The following TMEM267 variants were observed in gnomAD, a reference collection of about 807,000 sequenced individuals.
The protein encoded by TMEM267 is transmembrane protein 267.
Under a neutral mutation model 19.3 loss-of-function variants are expected in TMEM267, and 20 were observed. The ratio of observed to expected loss-of-function variants is 1.04; its 90% CI spans 0.73 to 1.51. The LOEUF (loss-of-function observed/expected upper bound fraction) is 1.51. Ranked by LOEUF, TMEM267 falls within the 40% of genes most tolerant of loss-of-function variation. The pLI is 0.00. For synonymous variants in TMEM267, 88 were observed against 90.3 expected (o/e 0.97, Z 0.15); for missense variants, 242 against 261.9 (o/e 0.92, Z 0.52).
At chr5:43,451,382 A>T (rs1742579165) in intron 2 of TMEM267, among the ~76,000 whole-genome samples, 1 of 152,226 alleles carries the variant, frequency 6.6e-6, no homozygotes, top group Non-Finnish European at 1.5e-5. Flanking sequence ...AGAATCTACA[A>T]GGAACTCAAA....
rs1370831152 is a variant in TMEM267, at chr5:43,446,528, G to C, written c.342C>G (p.Phe114Leu). 8 of 1,612,612 alleles carry C rather than the reference G, an allele frequency of 5.0e-6. No homozygotes were observed. Among genetic ancestry groups the C allele is most frequent in the Non-Finnish European group, 6.8e-6 (8 of 1,178,964 alleles). Reference sequence around the variant, plus strand: ...CGGGAATCACAGTAGAACAGTGAAGGAAAGGTCTTCGCGGGAGAGTCAAAG... The same window carrying C: ...CGGGAATCACAGTAGAACAGTGAAGCAAAGGTCTTCGCGGGAGAGTCAAAG... ...KAALTLPRRPFLHCSTVIPVV... is the reference protein window; with the variant it reads ...KAALTLPRRPLLHCSTVIPVV... Residue 114 changes from phenylalanine to leucine, a missense_variant, in exon 3 of 3, where the codon TTC becomes TTG. Physicochemically the swap from Phe to Leu is conservative, Grantham distance 22. Coordinates refer to ENST00000397080, the MANE Select transcript of TMEM267 (RefSeq NM_022483.5).
chr5:43,454,238 G>C (rs1173672304), intron 1 of TMEM267, among the ~76,000 whole-genome samples, 195 bp from the exon 2 acceptor site: 1 of 136,428 alleles, frequency 7.3e-6, no homozygotes, highest in African/African-American at 2.9e-5. Context: ...TTTAGGAAGA[G>C]CAGGGTACAT....
intron 1 of TMEM267, chr5:43,479,824 A>G: frequency 2.4e-6 from 1 of 415,996 alleles, no homozygotes; most frequent in Non-Finnish European, 4.7e-6. Flanking sequence ...CAGGATCTGG[A>G]AATAATGATT....
chr5:43,458,994 C>T (rs1174227988), intron 1 of TMEM267, among the ~76,000 whole-genome samples: 1 of 122,344 alleles, frequency 8.2e-6, no homozygotes, highest in Non-Finnish European at 1.7e-5. Context: ...TTTAGAGTTT[C>T]TATGTCAAAA....
At chr5:43,447,906 A>G (rs1742353193) in intron 2 of TMEM267, among the ~76,000 whole-genome samples, 2 of 152,190 alleles carry the variant, frequency 1.3e-5, no homozygotes, top group Non-Finnish European at 1.5e-5. Flanking sequence ...GTGGACCTTC[A>G]AGACTCTGAA....
intron 1 of TMEM267, among the ~76,000 whole-genome samples, chr5:43,483,003 G>A (rs1452103283): frequency 1.3e-5 from 2 of 152,120 alleles, no homozygotes; most frequent in Non-Finnish European, 2.9e-5. Context: ...AAAACCCAAG[G>A]TCAAAACACG....
At chr5:43,478,350 G>A (rs1271601185) in intron 1 of TMEM267, among the ~76,000 whole-genome samples, 1 of 152,136 alleles carries the variant, frequency 6.6e-6, no homozygotes, top group Non-Finnish European at 1.5e-5. Context: ...TTGACTAGCT[G>A]CCTGGAAAAC....
rs1457431593 is a variant in TMEM267 at position 43,463,327 on chromosome 5, C to A, written c.-74-9284G>T. Among the ~76,000 whole-genome samples the A allele has an allele frequency of 2.0e-5, 3 of 152,232 alleles. No individual in the cohort carries two copies. The East Asian group carries it at 5.8e-4, about 29-fold the overall frequency. On this transcript the variant is annotated intron_variant, in intron 1 of 2. Coordinates refer to ENST00000397080, the MANE Select transcript of TMEM267 (RefSeq NM_022483.5). ...TTACCAACCAAAAAAGGTCCAGGAC[C>A]AGATGTATTCACAGCCGAATTCTAC...
intron 1 of TMEM267, among the ~76,000 whole-genome samples, chr5:43,458,961 T>A (rs1247305737): frequency 1.3e-5 from 2 of 150,884 alleles, no homozygotes; most frequent in Non-Finnish European, 3.0e-5. Context: ...TGAAAAAAAA[T>A]TTCCAAAAAT....
At chr5:43,454,868 T>C (rs994107898) in intron 1 of TMEM267, among the ~76,000 whole-genome samples, 4 of 152,352 alleles carry the variant, frequency 2.6e-5, no homozygotes, top group Middle Eastern at 3.4e-3. Context: ...AATATTGACA[T>C]TATTTACCTA....
At chr5:43,451,203 T>G (rs951630596) in intron 2 of TMEM267, among the ~76,000 whole-genome samples, 1 of 152,192 alleles carries the variant, frequency 6.6e-6, no homozygotes, top group African/African-American at 2.4e-5. Context: ...ACAAGGTAAG[T>G]AATGTTATAA....
chr5:43,449,623 G>A (rs1288253743), intron 2 of TMEM267, among the ~76,000 whole-genome samples: 1 of 152,170 alleles, frequency 6.6e-6, no homozygotes, highest in Non-Finnish European at 1.5e-5. Context: ...ACTTGCAGAG[G>A]CAATAGTATT....
At chr5:43,468,219 G>A (rs1269542390) in intron 1 of TMEM267, among the ~76,000 whole-genome samples, 1 of 152,164 alleles carries the variant, frequency 6.6e-6, no homozygotes, top group Non-Finnish European at 1.5e-5. Context: ...ACAGTTCCAG[G>A]TGCAGGGGCT....
intron 1 of TMEM267, among the ~76,000 whole-genome samples, chr5:43,474,759 C>CAA (rs1175355175): frequency 0.072 from 4,127 of 57,334 alleles, 122 homozygotes; most frequent in Middle Eastern, 0.15. Context: ...AACTCTGTCT[C>CAA]AAAAAAAAAA....
At position 43,474,328 on chromosome 5, in the gene TMEM267, C is replaced by T. The variant is rs546354970; in HGVS notation, c.-75+9494G>A. Among the ~76,000 whole-genome samples the T allele has an allele frequency of 6.6e-5, 10 of 152,328 alleles. No individual in the cohort carries two copies. The South Asian group carries it at 2.1e-3, about 32-fold the overall frequency. Reference sequence around the variant, plus strand: ...ATCATCAGAGCGAACAGGCCACCTACAGACTGGGAGAAAATTTTTTGCAAT... The same window carrying T: ...ATCATCAGAGCGAACAGGCCACCTATAGACTGGGAGAAAATTTTTTGCAAT... On this transcript the variant is annotated intron_variant, in intron 1 of 2. Coordinates refer to ENST00000397080, the MANE Select transcript of TMEM267 (RefSeq NM_022483.5).
At chr5:43,448,415 C>T (rs1217436276) in intron 2 of TMEM267, among the ~76,000 whole-genome samples, 1 of 152,078 alleles carries the variant, frequency 6.6e-6, no homozygotes, top group Non-Finnish European at 1.5e-5. Context: ...CATGTAATAT[C>T]ATGAAATGAA....
intron 1 of TMEM267, among the ~76,000 whole-genome samples, chr5:43,455,190 G>T (rs1028665842): frequency 6.6e-6 from 1 of 152,166 alleles, no homozygotes; most frequent in African/African-American, 2.4e-5. Context: ...TTAGGAGGCT[G>T]AGGCAGGAGG....
intron 1 of TMEM267, chr5:43,476,284 G>C (rs938898395): frequency 2.0e-5 from 3 of 152,206 alleles, no homozygotes; most frequent in Admixed American, 6.6e-5. Flanking sequence ...GGCTGATGCA[G>C]GTTCCGTTTT....
intron 1 of TMEM267, among the ~76,000 whole-genome samples, chr5:43,476,858 G>T (rs765116190): frequency 6.6e-6 from 1 of 150,624 alleles, no homozygotes; most frequent in Non-Finnish European, 1.5e-5. Flanking sequence ...GTGCAAGGAA[G>T]GGCAAAAACA....
Sources: allele counts gnomAD v4.1 joint callset (sites outside exome capture counted in the v4.1 genomes callset), GRCh38; gene constraint gnomAD v4.1.1; transcripts MANE v1.5; gene names NCBI Gene and HGNC (gene_info 2026-07-23, HGNC 2026-07-21).